Variants in SNX9 observed in about 807,000 individuals in gnomAD.
SNX9 encodes the protein sorting nexin-9.
In SNX9, 44 loss-of-function variants were observed where a neutral mutation model predicts 89.4. The observed-to-expected ratio is 0.49, with a 90% CI of 0.39 to 0.63. SNX9 has a LOEUF of 0.63. SNX9 is among the 30% of genes least tolerant of loss of function. The pLI is 0.00. For synonymous variants in SNX9, 236 were observed against 247.8 expected (o/e 0.95, Z 0.45); for missense variants, 578 against 736.1 (o/e 0.79, Z 2.49).
Position 157,928,673 on chromosome 6 carries a change from G to A in SNX9, c.1259G>A (p.Gly420Glu), listed in dbSNP as rs1179750911. ...GGCGTGAAGGAGCTGCTGACGGTGG[G>A]GCAGGAGCACTGGAAGCGCTGCACG... Reference protein sequence around the residue: ...DDGVKELLTVGQEHWKRCTGP... With the variant: ...DDGVKELLTVEQEHWKRCTGP... The change falls in exon 12 of 18, where the codon GGG becomes GAG. Residue 420 changes from glycine (G) to glutamate (E), a missense_variant. Physicochemically the swap from Gly to Glu is moderately conservative, Grantham distance 98. Coordinates refer to ENST00000392185, the MANE Select transcript of SNX9 (RefSeq NM_016224.5). 2 of 1,609,344 alleles carry A rather than the reference G, an allele frequency of 1.2e-6. No individual in the cohort carries two copies. Among genetic ancestry groups the A allele is most frequent in the East Asian group, 2.2e-5 (1 of 44,524 alleles).
At chr6:157,887,281 C>T (rs1449843930) in intron 4 of SNX9, among the ~76,000 whole-genome samples, 1 of 152,154 alleles carries the variant, frequency 6.6e-6, no homozygotes, top group Non-Finnish European at 1.5e-5. Flanking sequence ...ACCCGATGCC[C>T]CGTGAATCAT....
At chr6:157,883,131 G>A (rs1371501164) in intron 4 of SNX9, among the ~76,000 whole-genome samples, 3 of 151,990 alleles carry the variant, frequency 2.0e-5, no homozygotes, top group Non-Finnish European at 4.4e-5. Context: ...AGACCCCCCC[G>A]CCACCCCAGC....
intron 1 of SNX9, among the ~76,000 whole-genome samples, chr6:157,862,171 A>C (rs1782146095): frequency 6.6e-6 from 1 of 152,210 alleles, no homozygotes. Flanking sequence ...ACTGTGGAGG[A>C]GGGACTACTT....
intron 4 of SNX9, among the ~76,000 whole-genome samples, chr6:157,883,764 G>A (rs1398358429): frequency 6.6e-6 from 1 of 151,966 alleles, no homozygotes. Flanking sequence ...ATCTCTTCAG[G>A]TTCAGCTCAA....
chr6:157,825,981 T>G (rs1781336257), intron 1 of SNX9, among the ~76,000 whole-genome samples: 1 of 152,154 alleles, frequency 6.6e-6, no homozygotes, highest in Non-Finnish European at 1.5e-5. Flanking sequence ...GAAAAGTAAA[T>G]TCAGTATCTG....
chr6:157,855,789 TGCAGTG>T (rs1781998510), intron 1 of SNX9, among the ~76,000 whole-genome samples: 1 of 152,206 alleles, frequency 6.6e-6, no homozygotes, highest in Non-Finnish European at 1.5e-5. Context: ...TGGAGTGGAG[TGCAGTG>T]GCACAGTCTC....
intron 4 of SNX9, among the ~76,000 whole-genome samples, chr6:157,886,114 T>C (rs1334048967): frequency 6.6e-6 from 1 of 152,190 alleles, no homozygotes; most frequent in East Asian, 1.9e-4. Context: ...GTGAGAACTC[T>C]TCCTCTTGGG....
At chr6:157,894,249 A>G (rs374010599) in intron 4 of SNX9, among the ~76,000 whole-genome samples, 4 of 147,888 alleles carry the variant, frequency 2.7e-5, no homozygotes, top group African/African-American at 1.0e-4. Flanking sequence ...AGCTGGGATT[A>G]CAGGCGCCCA....
In SNX9 at chr6:157,902,967, C is replaced by CA. The variant is rs56396531; in HGVS notation, c.620+933dup. Among the ~76,000 whole-genome samples, 560 of 140,132 alleles carry CA rather than the reference C, an allele frequency of 4.0e-3. 3 individuals carry two copies. Among genetic ancestry groups the CA allele is most frequent in the African/African-American group, 0.013 (501 of 38,136 alleles). The allele number at this position is 140,132 out of a possible 152,430, so 91.9% of individuals were successfully genotyped here. On this transcript the variant is annotated intron_variant, in intron 6 of 17. Transcript: ENST00000392185. ...ACAGGCTTGAGCCACCACACCTAGC[C>CA]AAAAAAAAAAAGTTTTTAACAGTAC...
intron 11 of SNX9, 38 bp from the exon 12 acceptor site, chr6:157,928,561 C>G: frequency 6.6e-7 from 1 of 1,524,440 alleles, no homozygotes; most frequent in Non-Finnish European, 9.0e-7. Context: ...AGTGCTGTTT[C>G]TCCTGCTTAT....
In SNX9 at chr6:157,940,892, A is replaced by C. The variant is rs759185090; in HGVS notation, c.1658A>C (p.Asn553Thr). Reference sequence around the variant, plus strand: ...CTGATTTGGGTTGTAGCTGAGATGAATCACTTTCACAGTAACCGGATCTAT... The same window carrying C: ...CTGATTTGGGTTGTAGCTGAGATGACTCACTTTCACAGTAACCGGATCTAT... Reference protein sequence around the residue: ...IMSYALQAEMNHFHSNRIYDY... With the variant: ...IMSYALQAEMTHFHSNRIYDY... Residue 553 changes from asparagine to threonine, a missense_variant, in exon 17 of 18, where the codon AAT (asparagine) becomes ACT (threonine). Physicochemically the swap from Asn to Thr is moderately conservative, Grantham distance 65. This residue lies in a region of SNX9 where 348 missense variants were observed against 491.4 expected (regional missense o/e 0.71). Coordinates refer to ENST00000392185, the MANE Select transcript of SNX9 (RefSeq NM_016224.5). 6.2e-7 allele frequency: 1 copy of C among 1,614,108 alleles called. No individual in the cohort carries two copies. Among genetic ancestry groups the C allele is most frequent in the Admixed American group, 1.7e-5 (1 of 60,026 alleles).
At chr6:157,940,843 C>G (rs1401491479) in intron 16 of SNX9, 40 bp from the exon 17 acceptor site, 2 of 1,583,818 alleles carry the variant, frequency 1.3e-6, no homozygotes, top group Non-Finnish European at 1.7e-6. Flanking sequence ...CATTTGAAAA[C>G]TTGAGGGAAA....
intron 1 of SNX9, among the ~76,000 whole-genome samples, chr6:157,837,861 C>G (rs1323588245): frequency 1.3e-5 from 2 of 152,148 alleles, no homozygotes; most frequent in Non-Finnish European, 2.9e-5. Context: ...CTGCACTGTT[C>G]AGTTTCTTGT....
intron 9 of SNX9, among the ~76,000 whole-genome samples, chr6:157,911,977 C>A (rs182313767): frequency 1.3e-5 from 2 of 152,176 alleles, no homozygotes; most frequent in Non-Finnish European, 2.9e-5. Context: ...GGTGCTGGGG[C>A]GGTGGAGTGA....
In SNX9 at chr6:157,826,614, ACACT is replaced by A. The variant is rs201023488; in HGVS notation, c.12+3175_12+3178del. ...AGTGCTGCATTCAGTTTAAGTGTAT[ACACT>A]CACTCAGTGCAATCAAGTCTTGTTT... On this transcript the variant is annotated intron_variant, in intron 1 of 17. Transcript: ENST00000392185. 7.5e-3 allele frequency among the ~76,000 whole-genome samples: 1,124 copies of A among 149,850 alleles called. 45 individuals carry two copies. Among genetic ancestry groups the A allele is most frequent in the African/African-American group, 0.026 (1,032 of 40,418 alleles).
intron 13 of SNX9, chr6:157,934,332 G>A (rs1466627580): frequency 6.6e-6 from 1 of 152,074 alleles, no homozygotes. Context: ...GAGATGGAAG[G>A]TAAACTGATT....
intron 2 of SNX9, among the ~76,000 whole-genome samples, chr6:157,869,965 C>T (rs1017713445): frequency 2.0e-5 from 3 of 152,034 alleles, no homozygotes; most frequent in African/African-American, 7.3e-5. Flanking sequence ...TTCACGTGTG[C>T]ACTCTTACAC....
At chr6:157,832,193 G>A (rs1054969407) in intron 1 of SNX9, among the ~76,000 whole-genome samples, 3 of 152,182 alleles carry the variant, frequency 2.0e-5, no homozygotes, top group Non-Finnish European at 4.4e-5. Context: ...ATTACCCACA[G>A]GGACAGTACT....
chr6:157,845,367 T>A (rs1781788376), intron 1 of SNX9, among the ~76,000 whole-genome samples: 1 of 152,230 alleles, frequency 6.6e-6, no homozygotes, highest in Non-Finnish European at 1.5e-5. Context: ...TGCCTTGGCC[T>A]CCCAAAGTGC....
Sources: gnomAD v4.1 joint callset for allele counts (sites outside exome capture counted in the v4.1 genomes callset) on GRCh38, gnomAD v4.1.1 for gene constraint, gnomAD v4.1.1 regional missense constraint, MANE v1.5 for transcripts, NCBI Gene and HGNC (gene_info 2026-07-23, HGNC 2026-07-21) for gene names.